The following HIPK2 variants were observed in gnomAD, a reference collection of about 807,000 sequenced individuals.
HIPK2 encodes the protein homeodomain-interacting protein kinase 2.
In HIPK2, 27 loss-of-function variants were observed where a neutral mutation model predicts 113.7. That is an observed-to-expected ratio of 0.24 (90% CI 0.17 to 0.33). The LOEUF (loss-of-function observed/expected upper bound fraction) is 0.33, where lower values mean the gene tolerates loss of function less well. Ranked by LOEUF, HIPK2 falls within the 10% of genes least tolerant of loss-of-function variation. The probability of loss-of-function intolerance (pLI) is 1.00; values close to 1 mark genes in which losing one functional copy is unlikely to be tolerated. For synonymous variants in HIPK2, 631 were observed against 642.2 expected (o/e 0.98, Z 0.26); for missense variants, 1,257 against 1,588.0 (o/e 0.79, Z 3.54).
chr7:139,713,406 A>G (rs1245633656), intron 2 of HIPK2, among the ~76,000 whole-genome samples: 2 of 152,172 alleles, frequency 1.3e-5, no homozygotes, highest in Non-Finnish European at 2.9e-5. Context: ...GGGCACCAGC[A>G]CCAGGCAGGA....
chr7:139,622,749 T>C (rs1029110569), intron 6 of HIPK2, among the ~76,000 whole-genome samples: 3 of 152,190 alleles, frequency 2.0e-5, no homozygotes, highest in Non-Finnish European at 2.9e-5. Context: ...TAGAGAACTT[T>C]AGGGATCAGG....
At position 139,573,405 on chromosome 7, in the gene HIPK2, G is replaced by A. The variant is rs1422913799; in HGVS notation, c.3127-8C>T. The A allele has an allele frequency of 1.2e-6, 2 of 1,601,276 alleles. No homozygotes were observed. Among genetic ancestry groups the A allele is most frequent in the Non-Finnish European group, 1.7e-6 (2 of 1,179,612 alleles). ...GGTGATGTGCTGCTGAGCCTGGGGA[G>A]GAGAGGCACCAAGAGAGACGTCAGG... On this transcript the variant is annotated splice_region_variant and splice_polypyrimidine_tract_variant and intron_variant, in intron 14 of 14. Transcript: ENST00000406875.
intron 2 of HIPK2, among the ~76,000 whole-genome samples, chr7:139,669,304 T>C (rs1351724857): frequency 6.6e-6 from 1 of 152,182 alleles, no homozygotes; most frequent in Non-Finnish European, 1.5e-5. Flanking sequence ...CTCTCCCAAT[T>C]TGAGGCATTG....
Position 139,683,229 on chromosome 7 carries a change from TA to T in HIPK2, c.1103+32702del, listed in dbSNP as rs1156842191. On this transcript the variant is annotated intron_variant, in intron 2 of 14. Transcript: ENST00000406875. The surrounding 1 kb of genome is among the most constrained non-coding windows in gnomAD (Gnocchi z 4.2). The stretch of plus-strand genomic sequence containing the variant: ...ATAACACGCGTGCCACACACGAGGA[TA>T]AAAATGCGAACAGAGACTGCATTAG... Among the ~76,000 whole-genome samples the T allele has an allele frequency of 6.6e-6, 1 of 152,138 alleles. No homozygotes were observed. Among genetic ancestry groups the T allele is most frequent in the African/African-American group, 2.4e-5 (1 of 41,426 alleles).
intron 1 of HIPK2, among the ~76,000 whole-genome samples, chr7:139,717,980 G>A (rs1479347939): frequency 6.6e-6 from 1 of 152,094 alleles, no homozygotes; most frequent in East Asian, 1.9e-4. Context: ...CTGACCTCAG[G>A]TGATCCACCC....
chr7:139,662,617 CTTTTTT>C (rs373566905), intron 2 of HIPK2, among the ~76,000 whole-genome samples: 1 of 133,654 alleles, frequency 7.5e-6, no homozygotes. Flanking sequence ...TAAAACACCA[CTTTTTT>C]TTTTTTTTTT....
intron 1 of HIPK2, among the ~76,000 whole-genome samples, chr7:139,772,535 T>C (rs1796668931): frequency 6.6e-6 from 1 of 151,388 alleles, no homozygotes; most frequent in Non-Finnish European, 1.5e-5. Context: ...AACACTTTTT[T>C]GAGTCTACGT....
In HIPK2 at chr7:139,596,946, G is replaced by T. The variant is rs748000829; in HGVS notation, c.2488C>A (p.Arg830=). The change falls in exon 12 of 15, where the codon CGA becomes AGA. Residue 830 remains arginine (R), a synonymous_variant. Coordinates refer to ENST00000406875, the MANE Select transcript of HIPK2 (RefSeq NM_022740.5). ...SSSQAISSPQ[R]SKRVKENTPP... The stretch of plus-strand genomic sequence containing the variant: ...GTGTTCTCCTTGACACGCTTGGATC[G>T]CTGTGGGGAGCTGATGGCCTGAGAG... 6.2e-7 allele frequency: 1 copy of T among 1,608,194 alleles called. No homozygotes were observed. Among genetic ancestry groups the T allele is most frequent in the Non-Finnish European group, 8.5e-7 (1 of 1,175,380 alleles).
chr7:139,625,115 T>A (rs978205282), intron 6 of HIPK2, among the ~76,000 whole-genome samples: 1 of 152,152 alleles, frequency 6.6e-6, no homozygotes, highest in Non-Finnish European at 1.5e-5. Flanking sequence ...CCCTCGTCCA[T>A]CTATCCTTCC....
At chr7:139,720,149 A>G (rs1795367100) in intron 1 of HIPK2, among the ~76,000 whole-genome samples, 1 of 152,142 alleles carries the variant, frequency 6.6e-6, no homozygotes, top group African/African-American at 2.4e-5. Context: ...CTCTTACACT[A>G]TTCCTTTACC....
intron 2 of HIPK2, among the ~76,000 whole-genome samples, chr7:139,653,674 T>C (rs545492049): frequency 5.3e-4 from 80 of 152,152 alleles, no homozygotes; most frequent in African/African-American, 1.9e-3. Flanking sequence ...ACTTGTACAA[T>C]GTTTTTTTCT....
intron 2 of HIPK2, among the ~76,000 whole-genome samples, chr7:139,656,893 T>TG (rs1443269065): frequency 6.6e-6 from 1 of 151,822 alleles, no homozygotes; most frequent in East Asian, 1.9e-4. Context: ...TTTCCTGAGA[T>TG]GGAGTCTTGC....
Position 139,748,552 on chromosome 7 carries a change from T to C in HIPK2, c.19+29053A>G, listed in dbSNP as rs1448166189. Among the ~76,000 whole-genome samples, 8 of 151,998 alleles carry C rather than the reference T, an allele frequency of 5.3e-5. No individual in the cohort carries two copies. The East Asian group carries it at 1.3e-3, about 26-fold the overall frequency. On this transcript the variant is annotated intron_variant, in intron 1 of 14. Transcript: ENST00000406875. ...AATCTTTGCTGTTCCTTGGCTTCTATGCCTATTAACCCAGTCTCTGCTTTC... is the reference window on the plus strand; with the variant it reads ...AATCTTTGCTGTTCCTTGGCTTCTACGCCTATTAACCCAGTCTCTGCTTTC...
chr7:139,590,282 C>G (rs1208098490), intron 12 of HIPK2, among the ~76,000 whole-genome samples: 5 of 152,140 alleles, frequency 3.3e-5, no homozygotes, highest in African/African-American at 9.7e-5. Context: ...ACAAAGCTGT[C>G]AGAGTTCACA....
At chr7:139,643,922 T>C (rs536813281) in intron 2 of HIPK2, among the ~76,000 whole-genome samples, 1 of 152,194 alleles carries the variant, frequency 6.6e-6, no homozygotes, top group South Asian at 2.1e-4. Flanking sequence ...CAATCTGGTC[T>C]CTGGTGCTAT....
chr7:139,747,106 C>T (rs1381101526), intron 1 of HIPK2, among the ~76,000 whole-genome samples: 1 of 152,130 alleles, frequency 6.6e-6, no homozygotes, highest in Admixed American at 6.5e-5. Flanking sequence ...TGAAACTGCA[C>T]CAAATACTGC....
intron 2 of HIPK2, among the ~76,000 whole-genome samples, chr7:139,646,612 T>C (rs961514441): frequency 2.6e-5 from 4 of 152,162 alleles, no homozygotes; most frequent in African/African-American, 4.8e-5. Context: ...GGCCTCTTTG[T>C]AGTCCAAGAA....
At chr7:139,620,685 G>A (rs57826733) in intron 6 of HIPK2, 122 bp from the exon 7 acceptor site, 2 of 1,295,726 alleles carry the variant, frequency 1.5e-6, no homozygotes, top group Admixed American at 2.2e-5. Context: ...AGGACAAGCA[G>A]GGAAACTAAA....
chr7:139,729,063 C>T (rs1795681487), intron 1 of HIPK2, among the ~76,000 whole-genome samples: 1 of 152,162 alleles, frequency 6.6e-6, no homozygotes, highest in Non-Finnish European at 1.5e-5. Flanking sequence ...GTGGCTCACA[C>T]CTGTAATTCC....
Sources: allele counts gnomAD v4.1 joint callset (sites outside exome capture counted in the v4.1 genomes callset), GRCh38; gene constraint gnomAD v4.1.1; non-coding constraint Gnocchi (gnomAD v3.1); transcripts MANE v1.5; gene names NCBI Gene and HGNC (gene_info 2026-07-23, HGNC 2026-07-21).